ZFAT: variants seen among roughly 807,000 people sequenced by gnomAD.
The protein encoded by ZFAT is zinc finger protein ZFAT.
A neutral mutation model predicts 117.7 loss-of-function variants in ZFAT; 64 were observed. That is an observed-to-expected ratio of 0.54 (90% confidence interval 0.44 to 0.67). ZFAT has a LOEUF of 0.67. Ranked by LOEUF, ZFAT falls within the 30% of genes least tolerant of loss-of-function variation. The pLI, the probability that ZFAT is intolerant of heterozygous loss-of-function variation, is 0.00. For missense variants in ZFAT, 1,433 were observed against 1,584.5 expected (o/e 0.90, Z 1.62); for synonymous variants, 679 against 615.0 (o/e 1.10, Z -1.54).
At chr8:134,822,671 C>A in the ZFAT span, among the ~76,000 whole-genome samples, 1 of 152,014 alleles carries the variant, frequency 6.6e-6, no homozygotes, top group Non-Finnish European at 1.5e-5. Flanking sequence ...AAGAAATATA[C>A]TTTTATAAAG....
At position 134,602,764 on chromosome 8, in the gene ZFAT, G is replaced by A. The variant is rs746100677; in HGVS notation, c.955C>T (p.Arg319Cys). The stretch of plus-strand genomic sequence containing the variant: ...GCGAACTTCTCTCCAGTGTGCTTGC[G>A]CAGGTGCACATTGAGGTTGGCCTTG... ...AIKANLNVHL[R>C]KHTGEKFACD... The change falls in exon 6 of 16, where the codon CGC (arginine) becomes TGC (cysteine). Residue 319 changes from arginine to cysteine, a missense_variant. This residue lies in a region of ZFAT where 436 missense variants were observed against 482.0 expected (regional missense o/e 0.90). Transcript: ENST00000377838. The A allele has an allele frequency of 3.7e-6, 6 of 1,613,744 alleles. No homozygotes were observed. Among genetic ancestry groups the A allele is most frequent in the Non-Finnish European group, 5.1e-6 (6 of 1,179,688 alleles).
the ZFAT span, chr8:134,793,100 G>A: frequency 6.6e-6 from 1 of 152,110 alleles, no homozygotes; most frequent in Non-Finnish European, 1.5e-5. Flanking sequence ...TCCACTCAGA[G>A]GTGGAGGGGA....
At chr8:134,757,009 CTTTTTTT>C in the ZFAT span, among the ~76,000 whole-genome samples, 3 of 81,214 alleles carry the variant, frequency 3.7e-5, no homozygotes, top group Admixed American at 1.7e-4. Context: ...ACCTTCTTTC[CTTTTTTT>C]TTTTTTTTTT....
the ZFAT span, among the ~76,000 whole-genome samples, chr8:134,825,717 C>A: frequency 6.6e-6 from 1 of 152,298 alleles, no homozygotes; most frequent in African/African-American, 2.4e-5. Context: ...TACTTACAGG[C>A]ATACTTAAGA....
At chr8:134,663,872 G>A (rs1832065176) in intron 1 of ZFAT, among the ~76,000 whole-genome samples, 1 of 152,218 alleles carries the variant, frequency 6.6e-6, no homozygotes, top group African/African-American at 2.4e-5. Context: ...TCCACTCTAA[G>A]CTGCTCAGGC....
At chr8:134,573,876 C>T (rs1825113845) in intron 10 of ZFAT, among the ~76,000 whole-genome samples, 1 of 152,206 alleles carries the variant, frequency 6.6e-6, no homozygotes, top group Non-Finnish European at 1.5e-5. Context: ...TGGCTGAATT[C>T]AAAGATCACC....
At position 134,571,749 on chromosome 8, in the gene ZFAT, C is replaced by T. The variant is rs76961727; in HGVS notation, c.2888-6328G>A. Among the ~76,000 whole-genome samples, 315 of 152,340 alleles carry T rather than the reference C, an allele frequency of 2.1e-3. 1 individual carries two copies. The highest frequency in any genetic ancestry group is 7.3e-3 in the African/African-American group (303 of 41,568). On this transcript the variant is annotated intron_variant, in intron 10 of 15. Transcript: ENST00000377838. ...TTTAACTGTCACAATACCTGTTTGA[C>T]TTTATGAGCTATCATATAAATAAAA...
At chr8:134,575,978 G>T (rs1825268691) in intron 10 of ZFAT, among the ~76,000 whole-genome samples, 1 of 152,192 alleles carries the variant, frequency 6.6e-6, no homozygotes, top group Non-Finnish European at 1.5e-5. Context: ...ATGATTCTCT[G>T]TAATTAGTAC....
intron 11 of ZFAT, among the ~76,000 whole-genome samples, chr8:134,536,775 A>G (rs1348838235): frequency 6.6e-6 from 1 of 152,252 alleles, no homozygotes; most frequent in Admixed American, 6.5e-5. Context: ...TTGGGACTTA[A>G]ATATCAACTC....
At chr8:134,565,070 G>A (rs1171868189) in intron 11 of ZFAT, 1 of 1,439,984 alleles carries the variant, frequency 6.9e-7, no homozygotes. Flanking sequence ...GTGCTTTTAT[G>A]CAAAGATCGT....
At chr8:134,663,924 CAT>C (rs1308342127) in intron 1 of ZFAT, among the ~76,000 whole-genome samples, 1 of 152,172 alleles carries the variant, frequency 6.6e-6, no homozygotes, top group African/African-American at 2.4e-5. Flanking sequence ...CAGCCTGGCA[CAT>C]GATAGGTGTT....
At chr8:134,579,944 T>C (rs1331847830) in intron 10 of ZFAT, among the ~76,000 whole-genome samples, 2 of 131,986 alleles carry the variant, frequency 1.5e-5, no homozygotes, top group Non-Finnish European at 3.1e-5. Flanking sequence ...AGTGAGACTC[T>C]GACACAGGGA....
intron 1 of ZFAT, among the ~76,000 whole-genome samples, chr8:134,694,076 A>G (rs1172388862): frequency 6.6e-6 from 1 of 152,190 alleles, no homozygotes; most frequent in African/African-American, 2.4e-5. Context: ...AAAAATATCA[A>G]TGTCCTGGAA....
the ZFAT span, among the ~76,000 whole-genome samples, chr8:134,721,056 C>G: frequency 6.6e-6 from 1 of 152,170 alleles, no homozygotes; most frequent in Non-Finnish European, 1.5e-5. Flanking sequence ...TCCATCCCGG[C>G]CTTTCTGCTG....
At chr8:134,743,317 C>T in the ZFAT span, among the ~76,000 whole-genome samples, 54 of 152,018 alleles carry the variant, frequency 3.6e-4, no homozygotes, top group East Asian at 5.8e-3. Flanking sequence ...GGTGAAACCC[C>T]GTCTCTACTA....
At chr8:134,616,836 T>C (rs2131000848) in intron 3 of ZFAT, among the ~76,000 whole-genome samples, 1 of 152,194 alleles carries the variant, frequency 6.6e-6, no homozygotes, top group South Asian at 2.1e-4. Context: ...AGGACACAAC[T>C]TAACCACTTG....
chr8:134,786,636 T>C, the ZFAT span, among the ~76,000 whole-genome samples: 1 of 152,174 alleles, frequency 6.6e-6, no homozygotes, highest in Non-Finnish European at 1.5e-5. Context: ...TGAATGTATT[T>C]TAATAAATCA....
chr8:134,602,717 G>A lies in ZFAT; in HGVS notation c.1002C>T (p.Thr334=). Residue 334 remains threonine (T), a synonymous_variant, in exon 6 of 16, where the codon ACC becomes ACT. Coordinates refer to ENST00000377838, the MANE Select transcript of ZFAT (RefSeq NM_020863.4). ...CCTTGAGGTGGCCCTTGCTCAGGCAGGTGAACGAGCAATAGTCGCAGGCGA... is the reference window on the plus strand; with the variant it reads ...CCTTGAGGTGGCCCTTGCTCAGGCAAGTGAACGAGCAATAGTCGCAGGCGA... ...EKFACDYCSF[T]CLSKGHLKVH... is the part of the protein sequence containing the mutation. The A allele has an allele frequency of 6.2e-7, 1 of 1,614,006 alleles. No individual in the cohort carries two copies. The highest frequency in any genetic ancestry group is 1.1e-5 in the South Asian group (1 of 91,048).
chr8:134,709,120 C>CA (rs1217880862), intron 1 of ZFAT, among the ~76,000 whole-genome samples: 2 of 152,150 alleles, frequency 1.3e-5, no homozygotes, highest in African/African-American at 4.8e-5. Context: ...CCCATCTCTA[C>CA]AAAAAATACA....
Sources: allele counts gnomAD v4.1 joint callset (sites outside exome capture counted in the v4.1 genomes callset), GRCh38; gene constraint gnomAD v4.1.1; regional missense constraint gnomAD v4.1.1; transcripts MANE v1.5; gene names NCBI Gene and HGNC (gene_info 2026-07-23, HGNC 2026-07-21).